Variants in ROBO1 observed in about 807,000 individuals in gnomAD.
ROBO1 encodes the protein roundabout guidance receptor 1.
ROBO1 carries 149 observed loss-of-function variants against 195.9 expected under a neutral mutation model. The ratio of observed to expected loss-of-function variants is 0.76; its 90% CI spans 0.67 to 0.87. The LOEUF (loss-of-function observed/expected upper bound fraction) is 0.87, where lower values mean the gene tolerates loss of function less well. Among genes scored for constraint, ROBO1 ranks in the 40% least tolerant of loss-of-function variants. The pLI is 0.00. For missense variants in ROBO1, 1,933 were observed against 2,068.3 expected (o/e 0.93, Z 1.27); for synonymous variants, 816 against 733.2 (o/e 1.11, Z -1.82).
At chr3:79,487,183 A>AGTTAAAAAACTTGTTTTTTAACAAAACAT (rs142897921) in intron 2 of ROBO1, among the ~76,000 whole-genome samples, 146,786 of 150,112 alleles carry the variant, frequency 0.98, 71,781 homozygotes, top group East Asian at 1. Context: ...ATGTATAAGA[A>AGTTAAAAAACTTGTTTTTTAACAAAACAT]GTTAAAAAAC....
intron 4 of ROBO1, among the ~76,000 whole-genome samples, chr3:78,847,541 C>T (rs1193518559): frequency 6.6e-6 from 1 of 152,032 alleles, no homozygotes; most frequent in Non-Finnish European, 1.5e-5. Flanking sequence ...AGCACTTCTC[C>T]AAAATAATTA....
At chr3:78,625,132 G>A (rs1704684151) in intron 26 of ROBO1, among the ~76,000 whole-genome samples, 1 of 152,254 alleles carries the variant, frequency 6.6e-6, no homozygotes, top group Middle Eastern at 3.4e-3. Context: ...GAGAAGAAAA[G>A]TGGAATCCAT....
intron 2 of ROBO1, among the ~76,000 whole-genome samples, chr3:79,166,562 T>TTTTTC (rs1704708740): frequency 7.0e-6 from 1 of 143,356 alleles, no homozygotes; most frequent in African/African-American, 2.6e-5. Context: ...CTATTTTTCT[T>TTTTTC]TTTTTTTTTT....
intron 17 of ROBO1, among the ~76,000 whole-genome samples, chr3:78,657,689 G>C (rs181226311): frequency 1.2e-4 from 18 of 152,322 alleles, no homozygotes; most frequent in African/African-American, 4.3e-4. Flanking sequence ...GCATGACCCA[G>C]ATGACCAGAT....
chr3:79,364,060 C>A (rs368972192), intron 2 of ROBO1, among the ~76,000 whole-genome samples: 1 of 151,746 alleles, frequency 6.6e-6, no homozygotes, highest in African/African-American at 2.4e-5. Flanking sequence ...AAAAATTGGC[C>A]AGGCGTGGTG....
At chr3:79,511,861 G>C (rs1940723183) in intron 2 of ROBO1, among the ~76,000 whole-genome samples, 1 of 152,080 alleles carries the variant, frequency 6.6e-6, no homozygotes, top group Non-Finnish European at 1.5e-5. Context: ...AGAAATGGGA[G>C]CTAAGTGATG....
intron 10 of ROBO1, among the ~76,000 whole-genome samples, chr3:78,675,536 G>C (rs1708362833): frequency 6.6e-6 from 1 of 152,148 alleles, no homozygotes; most frequent in Non-Finnish European, 1.5e-5. Flanking sequence ...GGCTCGGAGG[G>C]TCCTACACCC....
chr3:79,165,551 A>AT (rs892966436), intron 2 of ROBO1, among the ~76,000 whole-genome samples: 5 of 152,200 alleles, frequency 3.3e-5, no homozygotes, highest in East Asian at 3.9e-4. Context: ...CGTCTGTACT[A>AT]TTTTCCAATA....
rs189373255 is a variant in ROBO1 at position 78,681,196 on chromosome 3, G to A, written c.1342+4550C>T. On this transcript the variant is annotated intron_variant, in intron 10 of 30. Coordinates refer to ENST00000464233, the MANE Select transcript of ROBO1 (RefSeq NM_002941.4). ...TGGGGACTGTTGTGGGGTGGGGGGA[G>A]TGGGGAGGGATAGCATTAGGAGATA... 2.0e-3 allele frequency among the ~76,000 whole-genome samples: 304 copies of A among 151,686 alleles called. 3 individuals carry two copies. The highest frequency in any genetic ancestry group is 7.0e-3 in the African/African-American group (291 of 41,338).
chr3:79,633,655 T>A (rs1008337446), intron 1 of ROBO1, among the ~76,000 whole-genome samples: 2 of 152,100 alleles, frequency 1.3e-5, no homozygotes, highest in Non-Finnish European at 2.9e-5. Flanking sequence ...TATCCCATCC[T>A]TGATTGAATC....
At chr3:79,564,638 G>T (rs914471713) in intron 2 of ROBO1, among the ~76,000 whole-genome samples, 1 of 151,998 alleles carries the variant, frequency 6.6e-6, no homozygotes, top group Non-Finnish European at 1.5e-5. Context: ...GAATTTATGA[G>T]TCAAACTTTC....
chr3:78,628,135 G>A (rs576760617), intron 25 of ROBO1, among the ~76,000 whole-genome samples: 15 of 152,104 alleles, frequency 9.9e-5, no homozygotes, highest in Admixed American at 3.9e-4. Context: ...TGTATTTTTA[G>A]TAGAGATGGG....
intron 2 of ROBO1, among the ~76,000 whole-genome samples, chr3:79,332,999 C>G (rs1416951942): frequency 6.6e-6 from 1 of 151,858 alleles, no homozygotes; most frequent in Non-Finnish European, 1.5e-5. Flanking sequence ...GTCAGGAGTT[C>G]GAGACCAGCC....
intron 2 of ROBO1, among the ~76,000 whole-genome samples, chr3:79,179,555 C>T (rs1480535512): frequency 6.6e-6 from 1 of 152,262 alleles, no homozygotes; most frequent in Non-Finnish European, 1.5e-5. Flanking sequence ...TTTCTTAAAA[C>T]ATTTATAAAA....
At chr3:78,671,606 A>C (rs1346681867) in intron 10 of ROBO1, among the ~76,000 whole-genome samples, 2 of 152,040 alleles carry the variant, frequency 1.3e-5, no homozygotes, top group Non-Finnish European at 2.9e-5. Flanking sequence ...AAAAAAAAAA[A>C]AAGAAAAGAT....
chr3:78,751,167 C>T (rs1182255322), intron 4 of ROBO1, among the ~76,000 whole-genome samples: 1 of 152,084 alleles, frequency 6.6e-6, no homozygotes, highest in Non-Finnish European at 1.5e-5. Flanking sequence ...ACATACAATG[C>T]CTTTACCTAC....
intron 2 of ROBO1, among the ~76,000 whole-genome samples, chr3:79,361,685 G>T (rs111715811): frequency 2.0e-4 from 30 of 152,068 alleles, no homozygotes; most frequent in African/African-American, 7.2e-4. Context: ...TTCATTTGTT[G>T]TTTGAGCTCT....
intron 4 of ROBO1, among the ~76,000 whole-genome samples, chr3:78,881,396 G>A (rs527406914): frequency 1.3e-5 from 2 of 152,226 alleles, no homozygotes; most frequent in Non-Finnish European, 2.9e-5. Context: ...CAGTGAAAAT[G>A]GTTAGTCTCA....
At chr3:79,201,849 G>A (rs927948473) in intron 2 of ROBO1, among the ~76,000 whole-genome samples, 5 of 150,152 alleles carry the variant, frequency 3.3e-5, no homozygotes, top group African/African-American at 1.2e-4. Flanking sequence ...ATTATTCATT[G>A]CATAGTATTA....
Sources: gnomAD v4.1 joint callset for allele counts (sites outside exome capture counted in the v4.1 genomes callset) on GRCh38, gnomAD v4.1.1 for gene constraint, MANE v1.5 for transcripts, NCBI Gene and HGNC (gene_info 2026-07-23, HGNC 2026-07-21) for gene names.